The following FGD5 variants were observed in gnomAD, a reference collection of about 807,000 sequenced individuals.
FGD5 encodes the protein FYVE, RhoGEF and PH domain-containing protein 5.
FGD5 carries 28 observed loss-of-function variants against 133.4 expected under a neutral mutation model. The ratio of observed to expected loss-of-function variants is 0.21; its 90% CI spans 0.16 to 0.29. The LOEUF is 0.29. Among genes scored for constraint, FGD5 ranks in the 10% least tolerant of loss-of-function variants. The pLI, the probability that FGD5 is intolerant of heterozygous loss-of-function variation, is 1.00. For synonymous variants in FGD5, 810 were observed against 776.5 expected (o/e 1.04, Z -0.72); for missense variants, 1,858 against 1,895.2 (o/e 0.98, Z 0.36).
chr3:14,905,500 T>C (rs1406648668), intron 9 of FGD5, among the ~76,000 whole-genome samples: 1 of 152,180 alleles, frequency 6.6e-6, no homozygotes, highest in Non-Finnish European at 1.5e-5. Context: ...GTATGGATCA[T>C]CTCCACTGAT....
intron 2 of FGD5, among the ~76,000 whole-genome samples, chr3:14,870,787 C>T (rs1317631948): frequency 3.3e-5 from 5 of 152,152 alleles, no homozygotes; most frequent in African/African-American, 1.2e-4. Context: ...GCTTCAAACT[C>T]AACACATCCC....
intron 1 of FGD5, among the ~76,000 whole-genome samples, chr3:14,844,218 ATATAT>A (rs1298638447): frequency 2.0e-3 from 43 of 21,658 alleles, no homozygotes; most frequent in Non-Finnish European, 2.7e-3. Flanking sequence ...AAAAAAAAAA[ATATAT>A]ATATATATAT....
intron 1 of FGD5, among the ~76,000 whole-genome samples, chr3:14,863,692 C>T (rs2037442071): frequency 6.6e-6 from 1 of 152,214 alleles, no homozygotes; most frequent in Admixed American, 6.5e-5. Flanking sequence ...AAGGCCGGGA[C>T]TAGGGGCTGG....
chr3:14,826,728 C>T (rs2125073595), intron 1 of FGD5, among the ~76,000 whole-genome samples: 1 of 152,306 alleles, frequency 6.6e-6, no homozygotes, highest in African/African-American at 2.4e-5. Flanking sequence ...GAGGGAGAAT[C>T]TCGTTCCTCT....
chr3:14,817,518 C>T (rs780346784), upstream of FGD5, among the ~76,000 whole-genome samples: 3 of 152,158 alleles, frequency 2.0e-5, no homozygotes, highest in Admixed American at 6.5e-5. Flanking sequence ...TTTTAATGTG[C>T]CTACAAGATA....
chr3:14,902,286 A>AG (rs1327950200), intron 9 of FGD5, among the ~76,000 whole-genome samples: 1 of 151,562 alleles, frequency 6.6e-6, no homozygotes, highest in Non-Finnish European at 1.5e-5. Context: ...CATCTTAAAA[A>AG]AAAAAAAAAA....
At chr3:14,860,037 C>G (rs2037367498) in intron 1 of FGD5, among the ~76,000 whole-genome samples, 1 of 152,190 alleles carries the variant, frequency 6.6e-6, no homozygotes, top group Admixed American at 6.5e-5. Context: ...ATTTACAATT[C>G]TGAGTGAACA....
intron 4 of FGD5, among the ~76,000 whole-genome samples, chr3:14,885,164 A>T (rs962200169): frequency 2.6e-5 from 4 of 151,226 alleles, no homozygotes. Context: ...CAGTTCCTCT[A>T]GGTCTGTGCA....
intron 1 of FGD5, among the ~76,000 whole-genome samples, chr3:14,847,600 G>A (rs1011207002): frequency 6.6e-6 from 1 of 152,218 alleles, no homozygotes; most frequent in African/African-American, 2.4e-5. Flanking sequence ...AATCCTCACA[G>A]CAACCTAATG....
intron 1 of FGD5, chr3:14,811,520 A>G (rs1179581987): frequency 6.6e-6 from 1 of 152,500 alleles, no homozygotes; most frequent in East Asian, 1.9e-4. Flanking sequence ...AGGGGACCCA[A>G]TGCCAAGGGG....
chr3:14,868,033 A>G (rs2125107570), intron 2 of FGD5, among the ~76,000 whole-genome samples: 1 of 152,222 alleles, frequency 6.6e-6, no homozygotes, highest in East Asian at 1.9e-4. Flanking sequence ...TGGTCCACCC[A>G]CATGTCTGAC....
In FGD5 at chr3:14,932,574, C is replaced by T. The variant is rs745655617; in HGVS notation, c.4198-3C>T. The T allele has an allele frequency of 1.2e-6, 2 of 1,611,198 alleles. No individual in the cohort carries two copies. The highest frequency in any genetic ancestry group is 4.5e-5 in the East Asian group (2 of 44,882). ...TGTCAATTTTTCCTTCTGTCCTCTG[C>T]AGGACAAAGTGGCCTTGGAGAGTAT... On this transcript the variant is annotated splice_region_variant and splice_polypyrimidine_tract_variant and intron_variant, in intron 18 of 19. Coordinates refer to ENST00000285046, the MANE Select transcript of FGD5 (RefSeq NM_152536.4).
intron 18 of FGD5, among the ~76,000 whole-genome samples, chr3:14,928,375 T>G (rs2038849557): frequency 6.6e-6 from 1 of 152,128 alleles, no homozygotes; most frequent in Non-Finnish European, 1.5e-5. Flanking sequence ...CCCAGCCTAT[T>G]TTTTTCAACA....
chr3:14,830,922 C>T, intron 1 of FGD5, among the ~76,000 whole-genome samples: 1 of 151,970 alleles, frequency 6.6e-6, no homozygotes. Context: ...AGTAAACAGA[C>T]TAGTAAGTGA....
At chr3:14,929,159 G>A (rs2038863296) in intron 18 of FGD5, among the ~76,000 whole-genome samples, 1 of 152,146 alleles carries the variant, frequency 6.6e-6, no homozygotes, top group South Asian at 2.1e-4. Context: ...CATTTATGTT[G>A]TTGCATATAG....
At chr3:14,838,078 G>A (rs1161437529) in intron 1 of FGD5, among the ~76,000 whole-genome samples, 1 of 152,176 alleles carries the variant, frequency 6.6e-6, no homozygotes, top group East Asian at 1.9e-4. Context: ...AGAGACTGTG[G>A]GGAGATTCCA....
At position 14,879,796 on chromosome 3, in the gene FGD5, G is replaced by A. The variant is rs144631746; in HGVS notation, c.2659-776G>A. On this transcript the variant is annotated intron_variant, in intron 2 of 19. Transcript: ENST00000285046. Reference sequence around the variant, plus strand: ...GAGGCTTCTTGGAGGAGGTGCTGCCGTGGCTAAGTCTTATAGGATGACTGG... The same window carrying A: ...GAGGCTTCTTGGAGGAGGTGCTGCCATGGCTAAGTCTTATAGGATGACTGG... Among the ~76,000 whole-genome samples the A allele has an allele frequency of 5.9e-3, 904 of 152,328 alleles. 8 individuals carry two copies. The highest frequency in any genetic ancestry group is 0.011 in the Admixed American group (174 of 15,304).
chr3:14,893,522 A>G (rs1373577067), intron 4 of FGD5, among the ~76,000 whole-genome samples: 9 of 151,924 alleles, frequency 5.9e-5, no homozygotes. Flanking sequence ...AACCTTTTAA[A>G]TTTTTTGTAA....
intron 2 of FGD5, among the ~76,000 whole-genome samples, chr3:14,877,600 G>GT (rs1383619132): frequency 2.0e-5 from 3 of 152,238 alleles, no homozygotes; most frequent in Non-Finnish European, 2.9e-5. Flanking sequence ...CCATGGCCTT[G>GT]TTTGGGGGAG....
Sources: gnomAD v4.1 joint callset for allele counts (sites outside exome capture counted in the v4.1 genomes callset) on GRCh38, gnomAD v4.1.1 for gene constraint, MANE v1.5 for transcripts, NCBI Gene and HGNC (gene_info 2026-07-23, HGNC 2026-07-21) for gene names.